DROSHA: variants seen among roughly 807,000 people sequenced by gnomAD.
DROSHA encodes drosha ribonuclease III, also known as ribonuclease 3.
A neutral mutation model predicts 181.9 loss-of-function variants in DROSHA; 56 were observed. That is an observed-to-expected ratio of 0.31 (90% CI 0.25 to 0.38). DROSHA has a LOEUF of 0.38. Among genes scored for constraint, DROSHA ranks in the 10% least tolerant of loss-of-function variants. The pLI is 1.00. For synonymous variants in DROSHA, 524 were observed against 591.2 expected, an observed-to-expected ratio of 0.89 and a Z score of 1.65; for missense variants, 1,218 against 1,743.5, an observed-to-expected ratio of 0.70 and a Z score of 5.37.
intron 16 of DROSHA, among the ~76,000 whole-genome samples, chr5:31,479,288 T>C (rs1398499770): frequency 6.6e-6 from 1 of 152,218 alleles, no homozygotes; most frequent in Non-Finnish European, 1.5e-5. Context: ...TGTTTTTACT[T>C]TACATACTTT....
chr5:31,465,065 G>A (rs1182568692), intron 19 of DROSHA, among the ~76,000 whole-genome samples: 1 of 149,386 alleles, frequency 6.7e-6, no homozygotes, highest in Non-Finnish European at 1.5e-5. Context: ...CTTTTTCCTT[G>A]AGTGCACCAA....
At chr5:31,435,897 A>G (rs747601953) in intron 24 of DROSHA, 33 bp from the exon 25 acceptor site, 21 of 1,592,198 alleles carry the variant, frequency 1.3e-5, no homozygotes, top group Non-Finnish European at 1.8e-5. Context: ...ATGAATAAAT[A>G]TGCATCACGA....
Position 31,504,640 on chromosome 5 carries a change from C to G in DROSHA, c.1588-5G>C. The G allele has an allele frequency of 1.9e-6, 3 of 1,613,798 alleles. 1 individual carries two copies. In the South Asian group the frequency reaches 3.3e-5, roughly 18 times the overall value. On this transcript the variant is annotated splice_region_variant and splice_polypyrimidine_tract_variant and intron_variant, in intron 10 of 35. Coordinates refer to ENST00000344624, the MANE Select transcript of DROSHA (RefSeq NM_001382508.1). ...GCAGAGTGGTCCATCATTCATCTGTCAGAAACACAATGTAATTCGTTTTTA... is the reference window on the plus strand; with the variant it reads ...GCAGAGTGGTCCATCATTCATCTGTGAGAAACACAATGTAATTCGTTTTTA...
At position 31,531,477 on chromosome 5, in the gene DROSHA, C is replaced by T. The variant is rs1741373721; in HGVS notation, c.-201G>A. The T allele has an allele frequency of 6.6e-6, 1 of 152,210 alleles. No individual in the cohort carries two copies. The allele number at this position is 152,210 out of a possible 1,614,324, so 9.4% of individuals were successfully genotyped here. On this transcript the variant is annotated 5_prime_UTR_variant, in exon 2 of 36. Transcript: ENST00000344624. Reference sequence around the variant, plus strand: ...GGAAAAGTAACTCTCTTTTCTCCGTCTGTCTCTTCTCGGTTGCGGTTTGGA... The same window carrying T: ...GGAAAAGTAACTCTCTTTTCTCCGTTTGTCTCTTCTCGGTTGCGGTTTGGA...
intron 24 of DROSHA, 71 bp from the exon 25 acceptor site, chr5:31,435,935 A>G: frequency 7.1e-7 from 1 of 1,417,128 alleles, no homozygotes; most frequent in Non-Finnish European, 9.8e-7. Flanking sequence ...TGAGTCACAG[A>G]AACAGGGCTG....
intron 13 of DROSHA, among the ~76,000 whole-genome samples, chr5:31,490,453 T>C (rs187070827): frequency 6.6e-6 from 1 of 152,200 alleles, no homozygotes; most frequent in Non-Finnish European, 1.5e-5. Flanking sequence ...ATTACAGGTG[T>C]GAGCCACTGC....
intron 25 of DROSHA, among the ~76,000 whole-genome samples, chr5:31,434,804 A>T (rs1744591274): frequency 6.6e-6 from 1 of 152,262 alleles, no homozygotes; most frequent in African/African-American, 2.4e-5. Context: ...TGGGGATTTA[A>T]GAGCCACCAT....
chr5:31,489,873 A>AT (rs1425133190), intron 13 of DROSHA, among the ~76,000 whole-genome samples: 111 of 134,930 alleles, frequency 8.2e-4, no homozygotes, highest in African/African-American at 3.0e-3. Flanking sequence ...TATACCTTAC[A>AT]TTTTTTTTCT....
chr5:31,400,654 T>G lies in DROSHA; in HGVS notation c.*778A>C, dbSNP rs1426545761. The G allele has an allele frequency of 1.3e-5, 2 of 152,274 alleles. No individual in the cohort carries two copies. Among genetic ancestry groups the G allele is most frequent in the Non-Finnish European group, 1.5e-5 (1 of 68,086 alleles). The allele number at this position is 152,274 out of a possible 1,614,324, so 9.4% of individuals were successfully genotyped here. A position where few individuals can be genotyped will look rare whatever the true frequency, so the allele number is the denominator to read the frequency against. On this transcript the variant is annotated 3_prime_UTR_variant, in exon 36 of 36. Transcript: ENST00000344624. The stretch of plus-strand genomic sequence containing the variant: ...AAAAGCTATAAACCCTCCTCCTTCC[T>G]GCTCCCCATGCCCTCTCAAATCTCA...
chr5:31,461,572 C>A (rs1182142461), intron 20 of DROSHA, among the ~76,000 whole-genome samples: 1 of 152,014 alleles, frequency 6.6e-6, no homozygotes, highest in Non-Finnish European at 1.5e-5. Context: ...TTTATTTATT[C>A]CCACATTCAT....
At chr5:31,524,979 G>A (rs1461366346) in intron 5 of DROSHA, among the ~76,000 whole-genome samples, 2 of 152,090 alleles carry the variant, frequency 1.3e-5, no homozygotes, top group Non-Finnish European at 2.9e-5. Context: ...TGGATCACTT[G>A]AGTTCAGGAG....
At chr5:31,435,074 GAAC>G (rs200109004) in intron 25 of DROSHA, among the ~76,000 whole-genome samples, 1,828 of 152,298 alleles carry the variant, frequency 0.012, 15 homozygotes, top group Middle Eastern at 0.027. Context: ...TTGGAGAAGA[GAAC>G]AACAATTTGT....
Position 31,526,143 on chromosome 5 carries a change from G to T in DROSHA, c.790C>A (p.Arg264=), listed in dbSNP as rs201911246. Residue 264 remains arginine, a synonymous_variant, in exon 5 of 36, where the codon CGG becomes AGG. Coordinates refer to ENST00000344624, the MANE Select transcript of DROSHA (RefSeq NM_001382508.1). The part of the protein sequence containing the change: ...RSPDRRRQDS[R]YRSDYDRGRT... Reference sequence around the variant, plus strand: ...CCTCGGTCATAATCAGATCTGTACCGGCTGTCTTGTCTTCTCCTGTCGGGA... The same window carrying T: ...CCTCGGTCATAATCAGATCTGTACCTGCTGTCTTGTCTTCTCCTGTCGGGA... 1.9e-6 allele frequency: 3 copies of T among 1,613,764 alleles called. No individual in the cohort carries two copies. The Admixed American group carries it at 5.0e-5, about 27-fold the overall frequency.
intron 27 of DROSHA, among the ~76,000 whole-genome samples, chr5:31,427,893 G>C (rs907786045): frequency 6.6e-6 from 1 of 152,192 alleles, no homozygotes; most frequent in Non-Finnish European, 1.5e-5. Context: ...GTCCAAGTTT[G>C]TGTACTTCAA....
At chr5:31,467,841 T>C in intron 18 of DROSHA, 98 bp downstream of exon 18, 2 of 1,457,660 alleles carry the variant, frequency 1.4e-6, no homozygotes, top group Non-Finnish European at 1.8e-6. Context: ...AGGTCTTAAT[T>C]TTTAAAAAGG....
At chr5:31,407,773 C>A (rs1740827649) in intron 33 of DROSHA, among the ~76,000 whole-genome samples, 1 of 152,150 alleles carries the variant, frequency 6.6e-6, no homozygotes, top group African/African-American at 2.4e-5. Flanking sequence ...GATGAATGTG[C>A]ACGAGTGGCT....
chr5:31,464,007 C>A (rs1748733222), intron 20 of DROSHA: 1 of 533,948 alleles, frequency 1.9e-6, no homozygotes, highest in African/African-American at 1.9e-5. Context: ...ACTAAGTAAG[C>A]TTCTCCCTGC....
At chr5:31,421,574 G>T (rs1001202393) in intron 29 of DROSHA, among the ~76,000 whole-genome samples, 197 bp from the exon 30 acceptor site, 1 of 151,904 alleles carries the variant, frequency 6.6e-6, no homozygotes, top group Non-Finnish European at 1.5e-5. Context: ...TTTTAAAGAA[G>T]AATAAAGTGA....
At chr5:31,498,661 C>G (rs1455274598) in intron 11 of DROSHA, among the ~76,000 whole-genome samples, 1 of 152,030 alleles carries the variant, frequency 6.6e-6, no homozygotes, top group Non-Finnish European at 1.5e-5. Flanking sequence ...AGTTCAAGAC[C>G]AGCCTGACCA....
Sources: allele counts gnomAD v4.1 joint callset (sites outside exome capture counted in the v4.1 genomes callset), GRCh38; gene constraint gnomAD v4.1.1; transcripts MANE v1.5; gene names NCBI Gene and HGNC (gene_info 2026-07-23, HGNC 2026-07-21).